The following SERPINB9 variants were observed in gnomAD, a reference collection of about 807,000 sequenced individuals.
SERPINB9 encodes serpin B9.
Under a neutral mutation model 27.2 loss-of-function variants are expected in SERPINB9, and 20 were observed. That is an observed-to-expected ratio of 0.74 (90% CI 0.52 to 1.07). The LOEUF (loss-of-function observed/expected upper bound fraction) is 1.07, where lower values mean the gene tolerates loss of function less well. SERPINB9 is among the 50% of genes least tolerant of loss of function. SERPINB9 has a pLI of 0.00. For missense variants in SERPINB9, 476 were observed against 460.1 expected, an observed-to-expected ratio of 1.03 and a Z score of -0.32; for synonymous variants, 189 against 180.0, an observed-to-expected ratio of 1.05 and a Z score of -0.40.
At chr6:2,899,240 C>G (rs73718373) in intron 2 of SERPINB9, among the ~76,000 whole-genome samples, 4,739 of 152,136 alleles carry the variant, frequency 0.031, 88 homozygotes, top group South Asian at 0.075. Context: ...AAAATGGAGT[C>G]ACTAATATTA....
In SERPINB9 at chr6:2,889,255, C is replaced by T. The variant is rs971321268; in HGVS notation, c.*908G>A. ...GTTGAAAGACATTAAACAGTCCAACCTGGTCATTGTCAAAACTATATACGT... is the reference window on the plus strand; with the variant it reads ...GTTGAAAGACATTAAACAGTCCAACTTGGTCATTGTCAAAACTATATACGT... On this transcript the variant is annotated 3_prime_UTR_variant, in exon 7 of 7. Coordinates refer to ENST00000380698, the MANE Select transcript of SERPINB9 (RefSeq NM_004155.6). 20 of 152,156 alleles carry T rather than the reference C, an allele frequency of 1.3e-4. No individual in the cohort carries two copies. The highest frequency in any genetic ancestry group is 2.0e-4 in the Admixed American group (3 of 15,280). 9.4% of individuals were successfully genotyped at this position (152,156 alleles called of 1,614,324 possible).
intron 2 of SERPINB9, among the ~76,000 whole-genome samples, chr6:2,897,688 AAC>A (rs1326722987): frequency 6.6e-6 from 1 of 152,202 alleles, no homozygotes; most frequent in Non-Finnish European, 1.5e-5. Context: ...TTTTGGGACA[AAC>A]ACAAAATGAT....
At position 2,890,664 on chromosome 6, in the gene SERPINB9, G is replaced by C. The variant is rs1767768755; in HGVS notation, c.724-94C>G. On this transcript the variant is annotated intron_variant, in intron 6 of 6. Coordinates refer to ENST00000380698, the MANE Select transcript of SERPINB9 (RefSeq NM_004155.6). The surrounding 1 kb of genome is among the most constrained non-coding windows in gnomAD (Gnocchi z 6.2). ...AGTTCCCTTCCTCCCCTTGCACGTAGGTGTTGTTTGTTCACATAGGATCAG... is the reference window on the plus strand; with the variant it reads ...AGTTCCCTTCCTCCCCTTGCACGTACGTGTTGTTTGTTCACATAGGATCAG... The C allele has an allele frequency of 2.4e-6, 3 of 1,243,498 alleles. 1 individual carries two copies. The South Asian group carries it at 4.3e-5, about 18-fold the overall frequency. The allele number at this position is 1,243,498 out of a possible 1,614,324, so 77.0% of individuals were successfully genotyped here. A position where few individuals can be genotyped will look rare whatever the true frequency, so the allele number is the denominator to read the frequency against.
rs1561643470 is a variant in SERPINB9, at chr6:2,891,792, GC to G, written c.723+40del. 9 of 1,548,544 alleles carry G rather than the reference GC, an allele frequency of 5.8e-6. No homozygotes were observed. The highest frequency in any genetic ancestry group is 7.8e-6 in the Non-Finnish European group (9 of 1,156,130). Reference sequence around the variant, plus strand: ...TGGAAGTGGCACTCGAGTTCTGCCCGCAAAGGTGTCCCTGGGTTCTTCCCGC... The same window carrying G: ...TGGAAGTGGCACTCGAGTTCTGCCCGAAAGGTGTCCCTGGGTTCTTCCCGC... On this transcript the variant is annotated intron_variant, in intron 6 of 6. Coordinates refer to ENST00000380698, the MANE Select transcript of SERPINB9 (RefSeq NM_004155.6). The surrounding 1 kb of genome is among the most constrained non-coding windows in gnomAD (Gnocchi z 4.0).
intron 2 of SERPINB9, among the ~76,000 whole-genome samples, chr6:2,899,652 T>C (rs573471647): frequency 7.2e-5 from 11 of 152,356 alleles, no homozygotes; most frequent in Admixed American, 2.0e-4. Flanking sequence ...TCTGTGCTTA[T>C]TATTAAGGCT....
chr6:2,892,653 T>C (rs774022575), intron 5 of SERPINB9, among the ~76,000 whole-genome samples: 1 of 152,202 alleles, frequency 6.6e-6, no homozygotes, highest in Non-Finnish European at 1.5e-5. Flanking sequence ...ATTAAAATAG[T>C]TCTAAAACCA....
rs897926182 is a variant in SERPINB9, at chr6:2,888,141, G to A, written c.*2022C>T. 2 of 152,030 alleles carry A rather than the reference G, an allele frequency of 1.3e-5. No individual in the cohort carries two copies. The highest frequency in any genetic ancestry group is 4.8e-5 in the African/African-American group (2 of 41,444). 9.4% of individuals were successfully genotyped at this position (152,030 alleles called of 1,614,324 possible). ...GATACCACTTCACACCCACTAAGAT[G>A]GCCATAACTTATTTTTTTTAAAAAA... is the stretch of plus-strand genomic sequence containing the variant. On this transcript the variant is annotated 3_prime_UTR_variant, in exon 7 of 7. Transcript: ENST00000380698.
chr6:2,893,053 CTT>C lies in SERPINB9; in HGVS notation c.567+356_567+357del, dbSNP rs5873846. Among the ~76,000 whole-genome samples, 514 of 113,474 alleles carry C rather than the reference CTT, an allele frequency of 4.5e-3. 2 individuals are homozygous for C. The highest frequency in any genetic ancestry group is 6.3e-3 in the Admixed American group (65 of 10,292). The allele number at this position is 113,474 out of a possible 152,430, so 74.4% of individuals were successfully genotyped here. A position where few individuals can be genotyped will look rare whatever the true frequency, so the allele number is the denominator to read the frequency against. On this transcript the variant is annotated intron_variant, in intron 5 of 6. Transcript: ENST00000380698. Reference sequence around the variant, plus strand: ...TCCCACATATCACACTACCTTAACACTTTTTTTTTTTTTTTTTTGCTTTCTAG... The same window carrying C: ...TCCCACATATCACACTACCTTAACACTTTTTTTTTTTTTTTTGCTTTCTAG...
At chr6:2,900,727 A>T in intron 1 of SERPINB9, 106 bp from the exon 2 acceptor site, 1 of 1,002,012 alleles carries the variant, frequency 1.0e-6, no homozygotes, top group Non-Finnish European at 1.5e-6. Flanking sequence ...TTTCTTCTTA[A>T]AGTTCGTAAG....
At chr6:2,899,967 G>A (rs1352299540) in intron 2 of SERPINB9, 1 of 454,028 alleles carries the variant, frequency 2.2e-6, no homozygotes, top group East Asian at 6.9e-5. Flanking sequence ...ACAGTGTGCA[G>A]CTGTAATGAA....
intron 5 of SERPINB9, among the ~76,000 whole-genome samples, chr6:2,892,927 TAAC>T (rs1178747477): frequency 5.3e-5 from 8 of 151,822 alleles, no homozygotes; most frequent in African/African-American, 1.7e-4. Flanking sequence ...GATAATTAGT[TAAC>T]AATTCAAATC....
At position 2,900,491 on chromosome 6, in the gene SERPINB9, T is replaced by C. The variant is rs767709689; in HGVS notation, c.121A>G (p.Met41Val). The change falls in exon 2 of 7, where the codon ATG (methionine) becomes GTG (valine). Residue 41 changes from methionine to valine, a missense_variant. Coordinates refer to ENST00000380698, the MANE Select transcript of SERPINB9 (RefSeq NM_004155.6). ...SPVSISSALA[M>V]VLLGAKGNTA... Reference sequence around the variant, plus strand: ...TTTCCCTTTGCCCCTAGGAGAACCATGGCCAGGGCAGAGGAGATGCTCACA... The same window carrying C: ...TTTCCCTTTGCCCCTAGGAGAACCACGGCCAGGGCAGAGGAGATGCTCACA... The C allele has an allele frequency of 6.2e-7, 1 of 1,614,028 alleles. No individual in the cohort carries two copies. The highest frequency in any genetic ancestry group is 1.3e-5 in the African/African-American group (1 of 74,910).
chr6:2,898,500 C>G (rs1768077942), intron 2 of SERPINB9, among the ~76,000 whole-genome samples: 1 of 152,146 alleles, frequency 6.6e-6, no homozygotes, highest in Admixed American at 6.6e-5. Context: ...ATATAATCAC[C>G]AAAGTACAAA....
chr6:2,900,841 C>A (rs1768172275), intron 1 of SERPINB9, among the ~76,000 whole-genome samples: 1 of 150,388 alleles, frequency 6.6e-6, no homozygotes, highest in South Asian at 2.1e-4. Flanking sequence ...GCAGCTCAAA[C>A]CAGCAATAGC....
At chr6:2,902,502 G>C (rs148739847) in intron 1 of SERPINB9, among the ~76,000 whole-genome samples, 1 of 152,106 alleles carries the variant, frequency 6.6e-6, no homozygotes, top group African/African-American at 2.4e-5. Flanking sequence ...GTTGTTGTTG[G>C]TGGTGGTTTT....
At chr6:2,900,885 T>TCTCACACACACA (rs61100591) in intron 1 of SERPINB9, among the ~76,000 whole-genome samples, 207 of 141,572 alleles carry the variant, frequency 1.5e-3, no homozygotes, top group African/African-American at 3.7e-3. Flanking sequence ...GCTCGCTCTC[T>TCTCACACACACA]CACACACACA....
intron 2 of SERPINB9, chr6:2,899,744 C>A (rs928023268): frequency 2.8e-5 from 8 of 285,418 alleles, no homozygotes; most frequent in Non-Finnish European, 4.9e-5. Context: ...TATTGAAAAG[C>A]GTCATCAAAG....
intron 2 of SERPINB9, among the ~76,000 whole-genome samples, chr6:2,898,644 T>C (rs143036633): frequency 0.095 from 14,512 of 152,088 alleles, 816 homozygotes; most frequent in African/African-American, 0.15. Flanking sequence ...AGTGAAACCC[T>C]GTCTCTACTA....
chr6:2,898,048 C>G (rs1768059901), intron 2 of SERPINB9, among the ~76,000 whole-genome samples: 1 of 151,914 alleles, frequency 6.6e-6, no homozygotes, highest in African/African-American at 2.4e-5. Flanking sequence ...TGCACTCCAG[C>G]CTGGGTGACA....
Sources: gnomAD v4.1 joint callset for allele counts (sites outside exome capture counted in the v4.1 genomes callset) on GRCh38, gnomAD v4.1.1 for gene constraint, Gnocchi (gnomAD v3.1) non-coding constraint, MANE v1.5 for transcripts, NCBI Gene and HGNC (gene_info 2026-07-23, HGNC 2026-07-21) for gene names.